Variants in AFF1 observed in about 807,000 individuals in gnomAD.
AFF1 encodes AF4/FMR2 family member 1.
Under a neutral mutation model 121.7 loss-of-function variants are expected in AFF1, and 48 were observed. The observed-to-expected ratio is 0.39, with a 90% CI of 0.31 to 0.50. AFF1 has a LOEUF of 0.50. Ranked by LOEUF, AFF1 falls within the 20% of genes least tolerant of loss-of-function variation. AFF1 has a pLI of 0.76. For missense variants in AFF1, 1,523 were observed against 1,511.7 expected (o/e 1.01, Z -0.12); for synonymous variants, 613 against 563.0 (o/e 1.09, Z -1.26).
At chr4:86,993,351 G>A (rs951574004) in intron 2 of AFF1, among the ~76,000 whole-genome samples, 1 of 152,192 alleles carries the variant, frequency 6.6e-6, no homozygotes, top group Non-Finnish European at 1.5e-5. Context: ...GCCTATATAT[G>A]TAGTTTTTTT....
At chr4:86,980,850 A>G (rs1723681101) in intron 2 of AFF1, among the ~76,000 whole-genome samples, 2 of 152,114 alleles carry the variant, frequency 1.3e-5, no homozygotes, top group African/African-American at 2.4e-5. Flanking sequence ...TAACATTTTA[A>G]AAAGTTGAGG....
chr4:86,960,891 C>T (rs567955496), intron 2 of AFF1, among the ~76,000 whole-genome samples: 1 of 152,210 alleles, frequency 6.6e-6, no homozygotes, highest in Non-Finnish European at 1.5e-5. Flanking sequence ...GCACTGGGCA[C>T]CCAAGAATTC....
At chr4:87,003,209 G>A (rs552339177) in intron 2 of AFF1, among the ~76,000 whole-genome samples, 4 of 152,052 alleles carry the variant, frequency 2.6e-5, no homozygotes, top group African/African-American at 9.6e-5. Context: ...TTCTAATCTG[G>A]TATTGATTCC....
At chr4:87,039,747 G>A (rs1019459594) in intron 2 of AFF1, among the ~76,000 whole-genome samples, 2 of 152,166 alleles carry the variant, frequency 1.3e-5, no homozygotes, top group Non-Finnish European at 2.9e-5. Flanking sequence ...CAAGAACTTG[G>A]CTACTGAAAG....
intron 13 of AFF1, 30 bp downstream of exon 13, chr4:87,125,173 C>A: frequency 6.5e-7 from 1 of 1,543,916 alleles, no homozygotes; most frequent in Non-Finnish European, 8.8e-7. Flanking sequence ...ACCACCTAAT[C>A]TACGGTGATC....
At chr4:87,126,014 G>T in intron 13 of AFF1, 85 bp from the exon 14 acceptor site, 1 of 1,340,406 alleles carries the variant, frequency 7.5e-7, no homozygotes, top group Admixed American at 1.8e-5. Flanking sequence ...ACTCTTTTGT[G>T]CCAGCAGCCA....
rs535119783 is a variant in AFF1, at chr4:87,090,180, G to A, written c.1191+110G>A. ...TACTTGTTCAAATCTTTGGAAATGA[G>A]GTTAAAATTATGATTAATTTAGCTT... On this transcript the variant is annotated intron_variant, in intron 6 of 20. Transcript: ENST00000395146. The A allele has an allele frequency of 2.3e-5, 20 of 857,084 alleles. 1 individual carries two copies. The East Asian group carries it at 4.3e-4, about 18-fold the overall frequency. 53.1% of individuals were successfully genotyped at this position (857,084 alleles called of 1,614,324 possible).
chr4:87,102,076 A>AT (rs3836600), intron 8 of AFF1, among the ~76,000 whole-genome samples: 86,988 of 152,016 alleles, frequency 0.57, 25,216 homozygotes, highest in Middle Eastern at 0.69. Flanking sequence ...TGCCTGAAAA[A>AT]GCAGTTGTAC....
chr4:87,010,798 A>T (rs937207885), intron 2 of AFF1, among the ~76,000 whole-genome samples: 1 of 152,192 alleles, frequency 6.6e-6, no homozygotes, highest in Non-Finnish European at 1.5e-5. Context: ...GTTTAAAAAA[A>T]TCACCTGGGC....
At chr4:87,006,892 G>C (rs1726186094) in intron 2 of AFF1, 4 of 938,732 alleles carry the variant, frequency 4.3e-6, no homozygotes, top group East Asian at 7.3e-5. Flanking sequence ...TAGGGCCGCC[G>C]AGCGCCCTGC....
rs538271809 is a variant in AFF1, at chr4:87,020,724, T to C, written c.39-25442T>C. ...TGTTCTCAGTCTCCTGACCTCATGA[T>C]CCGCCTGCCTCAGCCTCTCAAAATG... On this transcript the variant is annotated intron_variant, in intron 2 of 20. Transcript: ENST00000395146. The C allele has an allele frequency of 1.2e-4, 102 of 861,368 alleles. No individual in the cohort carries two copies. The East Asian group carries it at 5.2e-3, about 44-fold the overall frequency. 53.4% of individuals were successfully genotyped at this position (861,368 alleles called of 1,614,324 possible). A position where few individuals can be genotyped will look rare whatever the true frequency, so the allele number is the denominator to read the frequency against.
chr4:87,127,172 C>CCT lies in AFF1; in HGVS notation c.2903+56_2903+57insTC, dbSNP rs1560657584. ...TGTTTTGTTTTGTTTTGCTTCCCCC[C>CCT]CCCACCAAGATAGAGTCTCACTCTG... On this transcript the variant is annotated intron_variant, in intron 15 of 20. Transcript: ENST00000395146. 3.1e-6 allele frequency: 4 copies of CCT among 1,296,960 alleles called. 1 individual carries two copies. Among genetic ancestry groups the CCT allele is most frequent in the Non-Finnish European group, 4.4e-6 (4 of 919,388 alleles). The allele number at this position is 1,296,960 out of a possible 1,614,324, so 80.3% of individuals were successfully genotyped here. A position where few individuals can be genotyped will look rare whatever the true frequency, so the allele number is the denominator to read the frequency against.
chr4:86,969,109 A>C (rs1722739885), intron 2 of AFF1, among the ~76,000 whole-genome samples: 1 of 152,210 alleles, frequency 6.6e-6, no homozygotes. Context: ...GCTTCTGCTC[A>C]GTTCAGGATG....
intron 8 of AFF1, among the ~76,000 whole-genome samples, chr4:87,097,201 A>G (rs933918096): frequency 4.6e-5 from 7 of 152,342 alleles, no homozygotes; most frequent in African/African-American, 1.7e-4. Flanking sequence ...GGGTATCCCA[A>G]CTGACTGTAA....
intron 2 of AFF1, among the ~76,000 whole-genome samples, chr4:87,044,254 A>G (rs546559566): frequency 5.9e-5 from 9 of 152,340 alleles, no homozygotes; most frequent in Admixed American, 2.6e-4. Flanking sequence ...TAATTTTTGC[A>G]TGTGTCTTCC....
Position 86,971,561 on chromosome 4 carries a change from C to T in AFF1, c.38+22990C>T, listed in dbSNP as rs192941657. ...CAGATGCACTGATATTAAGGGTACA[C>T]ATGTCTATTATAAGGCTGGTAAATT... On this transcript the variant is annotated intron_variant, in intron 2 of 20. Coordinates refer to ENST00000395146, the MANE Select transcript of AFF1 (RefSeq NM_001166693.3). 3.7e-4 allele frequency among the ~76,000 whole-genome samples: 56 copies of T among 152,312 alleles called. No individual in the cohort carries two copies. In the East Asian group the frequency reaches 0.01, roughly 28 times the overall value.
At chr4:87,059,511 C>A (rs1391000397) in intron 4 of AFF1, among the ~76,000 whole-genome samples, 6 of 152,188 alleles carry the variant, frequency 3.9e-5, no homozygotes, top group Admixed American at 2.0e-4. Flanking sequence ...TTCTTTCTAA[C>A]CTCTCATCTT....
In AFF1 at chr4:87,136,064, A is replaced by G; in HGVS notation, c.*363A>G. Reference sequence around the variant, plus strand: ...ATGAGGAGAAACAGTTTCAACTCTGAAAGTGAATTTCACGTCATCTCAGTA... The same window carrying G: ...ATGAGGAGAAACAGTTTCAACTCTGGAAGTGAATTTCACGTCATCTCAGTA... On this transcript the variant is annotated 3_prime_UTR_variant, in exon 21 of 21. Coordinates refer to ENST00000395146, the MANE Select transcript of AFF1 (RefSeq NM_001166693.3). 2 of 249,146 alleles carry G rather than the reference A, an allele frequency of 8.0e-6. No homozygotes were observed. The highest frequency in any genetic ancestry group is 1.5e-5 in the Non-Finnish European group (2 of 129,278). The allele number at this position is 249,146 out of a possible 1,614,324, so 15.4% of individuals were successfully genotyped here. A position where few individuals can be genotyped will look rare whatever the true frequency, so the allele number is the denominator to read the frequency against.
intron 2 of AFF1, chr4:87,036,685 A>G (rs1339804028): frequency 5.7e-6 from 2 of 348,648 alleles, no homozygotes; most frequent in Non-Finnish European, 1.1e-5. Flanking sequence ...AATACCTCTC[A>G]AAATAGACTT....
Sources: gnomAD v4.1 joint callset for allele counts (sites outside exome capture counted in the v4.1 genomes callset) on GRCh38, gnomAD v4.1.1 for gene constraint, MANE v1.5 for transcripts, NCBI Gene and HGNC (gene_info 2026-07-23, HGNC 2026-07-21) for gene names.